Variants in RALYL observed in about 807,000 individuals in gnomAD.
RALYL encodes the protein RALY RNA binding protein like.
In RALYL, 29 loss-of-function variants were observed where a neutral mutation model predicts 35.1. The observed-to-expected ratio is 0.83, with a 90% CI of 0.61 to 1.13. RALYL has a LOEUF of 1.13. RALYL is among the 50% of genes most tolerant of loss of function. RALYL has a pLI of 0.00. For synonymous variants in RALYL, 120 were observed against 127.6 expected (o/e 0.94, Z 0.40); for missense variants, 359 against 360.4 (o/e 1.00, Z 0.03).
intron 1 of RALYL, among the ~76,000 whole-genome samples, chr8:84,355,106 C>T (rs985391477): frequency 9.3e-5 from 14 of 150,208 alleles, no homozygotes; most frequent in South Asian, 4.2e-4. Flanking sequence ...ATGAAGAAGA[C>T]GTAAGGAGAG....
At chr8:84,916,536 C>T (rs1848513364) in intron 8 of RALYL, among the ~76,000 whole-genome samples, 1 of 151,876 alleles carries the variant, frequency 6.6e-6, no homozygotes, top group Non-Finnish European at 1.5e-5. Context: ...GGGGAGTTTC[C>T]CTGCACAGGC....
chr8:84,186,970 G>A (rs539184657), intron 1 of RALYL, among the ~76,000 whole-genome samples: 15 of 151,978 alleles, frequency 9.9e-5, no homozygotes, highest in East Asian at 9.7e-4. Context: ...TTTTTCATTC[G>A]CCAAGCGACC....
intron 1 of RALYL, among the ~76,000 whole-genome samples, chr8:84,315,528 A>G (rs1241080381): frequency 6.6e-6 from 1 of 152,122 alleles, no homozygotes; most frequent in African/African-American, 2.4e-5. Flanking sequence ...GTAGGTTAGG[A>G]AACTTTCACT....
intron 8 of RALYL, among the ~76,000 whole-genome samples, chr8:84,910,352 C>T (rs111329208): frequency 5.0e-4 from 76 of 152,166 alleles, no homozygotes; most frequent in African/African-American, 1.7e-3. Flanking sequence ...GTTAGTCATA[C>T]TATCAAAGTC....
intron 2 of RALYL, among the ~76,000 whole-genome samples, chr8:84,772,409 A>T (rs1032525145): frequency 1.3e-5 from 2 of 152,112 alleles, no homozygotes; most frequent in South Asian, 4.1e-4. Flanking sequence ...TGGGGATTTT[A>T]TTGGAATTAC....
chr8:84,314,772 G>A (rs951147029), intron 1 of RALYL, among the ~76,000 whole-genome samples: 7 of 152,020 alleles, frequency 4.6e-5, no homozygotes, highest in Non-Finnish European at 8.8e-5. Context: ...CACCATAAGC[G>A]AAATATAACA....
At chr8:84,312,816 G>A (rs554046613) in intron 1 of RALYL, among the ~76,000 whole-genome samples, 87 of 152,318 alleles carry the variant, frequency 5.7e-4, no homozygotes, top group African/African-American at 2.0e-3. Flanking sequence ...AGCTGTCAGA[G>A]GATCTACCAT....
chr8:84,881,152 T>A lies in RALYL; in HGVS notation c.686-6452T>A, dbSNP rs531200848. Among the ~76,000 whole-genome samples, 131 of 152,106 alleles carry A rather than the reference T, an allele frequency of 8.6e-4. 1 individual carries two copies. In the South Asian group the frequency reaches 0.019, roughly 22 times the overall value. On this transcript the variant is annotated intron_variant, in intron 7 of 8. Coordinates refer to ENST00000521268, the MANE Select transcript of RALYL (RefSeq NM_173848.7). Reference sequence around the variant, plus strand: ...CAAAAATGTACTCACATAACTAATATATTCATCTAAAACATTCTATGTAAT... The same window carrying A: ...CAAAAATGTACTCACATAACTAATAAATTCATCTAAAACATTCTATGTAAT...
chr8:84,785,210 A>C (rs1026952632), intron 3 of RALYL, among the ~76,000 whole-genome samples: 23 of 151,966 alleles, frequency 1.5e-4, no homozygotes, highest in African/African-American at 5.6e-4. Flanking sequence ...TGATGATGAG[A>C]GTTTATGTTT....
intron 1 of RALYL, among the ~76,000 whole-genome samples, chr8:84,425,931 G>C (rs1563908661): frequency 6.6e-6 from 1 of 151,774 alleles, no homozygotes; most frequent in Non-Finnish European, 1.5e-5. Flanking sequence ...TGGGTTCATT[G>C]GAACTAGGAA....
chr8:84,743,969 G>A (rs990829499), intron 2 of RALYL, among the ~76,000 whole-genome samples: 1 of 151,976 alleles, frequency 6.6e-6, no homozygotes, highest in East Asian at 1.9e-4. Flanking sequence ...TTGTTTAATG[G>A]TATGGAGTTT....
intron 2 of RALYL, among the ~76,000 whole-genome samples, chr8:84,601,517 T>A (rs1815949611): frequency 6.6e-6 from 1 of 152,076 alleles, no homozygotes; most frequent in Non-Finnish European, 1.5e-5. Context: ...GGGATTTAAA[T>A]TAGGTCAGAT....
At chr8:84,289,577 T>A (rs1160177917) in intron 1 of RALYL, among the ~76,000 whole-genome samples, 1 of 152,158 alleles carries the variant, frequency 6.6e-6, no homozygotes, top group African/African-American at 2.4e-5. Flanking sequence ...AGTATGAGGA[T>A]TTCCATTTTG....
chr8:84,605,467 C>T (rs1012564233), intron 2 of RALYL, among the ~76,000 whole-genome samples: 4 of 152,054 alleles, frequency 2.6e-5, no homozygotes, highest in Non-Finnish European at 4.4e-5. Context: ...TGCTCTTAAC[C>T]TCTGTGCTCC....
chr8:84,621,934 G>C (rs1195370934), intron 2 of RALYL, among the ~76,000 whole-genome samples: 1 of 152,028 alleles, frequency 6.6e-6, no homozygotes, highest in Non-Finnish European at 1.5e-5. Flanking sequence ...TGACTTTTTG[G>C]TAAGGCTTTT....
At chr8:84,687,286 C>T (rs1237111245) in intron 2 of RALYL, among the ~76,000 whole-genome samples, 1 of 152,090 alleles carries the variant, frequency 6.6e-6, no homozygotes, top group Non-Finnish European at 1.5e-5. Context: ...ATCTTAGGGT[C>T]TATGAGTCTA....
intron 2 of RALYL, among the ~76,000 whole-genome samples, chr8:84,685,217 A>T (rs147087561): frequency 6.6e-6 from 1 of 152,270 alleles, no homozygotes; most frequent in Non-Finnish European, 1.5e-5. Context: ...AAAGAAACAG[A>T]AGAGCAGCCG....
intron 2 of RALYL, among the ~76,000 whole-genome samples, chr8:84,755,098 T>A (rs966145577): frequency 6.6e-6 from 1 of 152,138 alleles, no homozygotes; most frequent in Non-Finnish European, 1.5e-5. Context: ...ACTGTCAAGA[T>A]GACTCAGGAA....
chr8:84,337,101 A>G (rs1847940838), intron 1 of RALYL, among the ~76,000 whole-genome samples: 1 of 151,382 alleles, frequency 6.6e-6, no homozygotes, highest in African/African-American at 2.4e-5. Context: ...AAAAGGGTTA[A>G]TCAAATTATT....
Sources: gnomAD v4.1 joint callset for allele counts (sites outside exome capture counted in the v4.1 genomes callset) on GRCh38, gnomAD v4.1.1 for gene constraint, MANE v1.5 for transcripts, NCBI Gene and HGNC (gene_info 2026-07-23, HGNC 2026-07-21) for gene names.